Variants in SIL1 observed in about 807,000 individuals in gnomAD.
The protein encoded by SIL1 is SIL1 nucleotide exchange factor, also known as nucleotide exchange factor SIL1.
Under a neutral mutation model 49.1 loss-of-function variants are expected in SIL1, and 40 were observed. The observed-to-expected ratio is 0.81, with a 90% CI of 0.63 to 1.06. SIL1 has a LOEUF of 1.06. Among genes scored for constraint, SIL1 ranks in the 50% least tolerant of loss-of-function variants. The pLI, the probability that SIL1 is intolerant of heterozygous loss-of-function variation, is 0.00. For missense variants in SIL1, 500 were observed against 572.6 expected, an observed-to-expected ratio of 0.87 and a Z score of 1.29; for synonymous variants, 253 against 250.8, an observed-to-expected ratio of 1.01 and a Z score of -0.08.
chr5:139,158,223 A>G (rs1751441655), intron 1 of SIL1, among the ~76,000 whole-genome samples: 1 of 152,214 alleles, frequency 6.6e-6, no homozygotes, highest in African/African-American at 2.4e-5. Flanking sequence ...CTTAACTACA[A>G]TATCAAACTG....
rs147021068 is a variant in SIL1 at position 139,068,001 on chromosome 5, T to C, written c.245-16955A>G. On this transcript the variant is annotated intron_variant, in intron 3 of 9. Coordinates refer to ENST00000394817, the MANE Select transcript of SIL1 (RefSeq NM_022464.5). Reference sequence around the variant, plus strand: ...TACAGCATATCCCTTCAATGGAATATATTAGTCTTCAACAAAAAAGAGGGA... The same window carrying C: ...TACAGCATATCCCTTCAATGGAATACATTAGTCTTCAACAAAAAAGAGGGA... Among the ~76,000 whole-genome samples, 357 of 152,376 alleles carry C rather than the reference T, an allele frequency of 2.3e-3. 2 individuals carry two copies. The highest frequency in any genetic ancestry group is 8.0e-3 in the African/African-American group (333 of 41,588).
chr5:139,154,196 T>A (rs1036548343), intron 1 of SIL1, among the ~76,000 whole-genome samples: 3 of 152,042 alleles, frequency 2.0e-5, no homozygotes, highest in Admixed American at 1.3e-4. Flanking sequence ...AGTCTCTGTC[T>A]ATAATGAAGA....
intron 3 of SIL1, among the ~76,000 whole-genome samples, chr5:139,077,975 A>G (rs927912259): frequency 6.6e-6 from 1 of 152,208 alleles, no homozygotes; most frequent in East Asian, 1.9e-4. Context: ...GCACAGAGCA[A>G]GAAGGCACCC....
chr5:138,997,303 T>C (rs961698972), intron 7 of SIL1, among the ~76,000 whole-genome samples: 4 of 152,228 alleles, frequency 2.6e-5, no homozygotes, highest in African/African-American at 9.7e-5. Context: ...GATTTGATTT[T>C]TTTGTATATA....
intron 9 of SIL1, among the ~76,000 whole-genome samples, chr5:138,950,541 C>T (rs1046559327): frequency 2.0e-5 from 3 of 152,146 alleles, no homozygotes; most frequent in South Asian, 2.1e-4. Context: ...TTCTGGGGAG[C>T]GTGTGGCCCG....
intron 1 of SIL1, chr5:139,137,226 A>G (rs540883859): frequency 4.6e-6 from 3 of 651,760 alleles, no homozygotes; most frequent in East Asian, 2.8e-5. Flanking sequence ...TGTTGCAAGC[A>G]AAGTATTAGT....
chr5:139,078,029 G>C (rs1769991480), intron 3 of SIL1, among the ~76,000 whole-genome samples: 1 of 152,148 alleles, frequency 6.6e-6, no homozygotes, highest in South Asian at 2.1e-4. Flanking sequence ...TTTGGGTCCT[G>C]AGCCACTTGT....
chr5:139,025,520 G>A (rs970353217), intron 6 of SIL1, among the ~76,000 whole-genome samples: 2 of 152,268 alleles, frequency 1.3e-5, no homozygotes. Context: ...ACAAATATTA[G>A]TTATTATAAG....
At chr5:138,954,308 T>G (rs1291391696) in intron 7 of SIL1, among the ~76,000 whole-genome samples, 1 of 152,280 alleles carries the variant, frequency 6.6e-6, no homozygotes, top group Non-Finnish European at 1.5e-5. Context: ...CACAGCCAAG[T>G]CTGTGGGTAC....
intron 4 of SIL1, among the ~76,000 whole-genome samples, chr5:139,046,463 C>A (rs1416449090): frequency 6.6e-6 from 1 of 152,208 alleles, no homozygotes; most frequent in Non-Finnish European, 1.5e-5. Context: ...GATTTCCTTC[C>A]TTCTCTCTTC....
intron 1 of SIL1, among the ~76,000 whole-genome samples, chr5:139,145,246 GTCA>G (rs1272917649): frequency 6.6e-6 from 1 of 152,142 alleles, no homozygotes; most frequent in Admixed American, 6.5e-5. Context: ...AGTATCATTA[GTCA>G]TCATTAGAGA....
At chr5:139,173,790 C>CAAAAAAAAAAAAAAAAA (rs70982756) in intron 1 of SIL1, among the ~76,000 whole-genome samples, 1 of 106,372 alleles carries the variant, frequency 9.4e-6, no homozygotes, top group African/African-American at 3.4e-5. Flanking sequence ...ACTAAAAATA[C>CAAAAAAAAAAAAAAAAA]AAAAAAAAAA....
intron 3 of SIL1, among the ~76,000 whole-genome samples, chr5:139,113,330 TA>T (rs985835068): frequency 6.0e-4 from 67 of 112,166 alleles, no homozygotes; most frequent in East Asian, 5.4e-3. Flanking sequence ...TAAATAAATT[TA>T]AAAAAAAAAG....
Position 139,126,194 on chromosome 5 carries a change from T to G in SIL1, c.105+1545A>C, listed in dbSNP as rs537336002. Among the ~76,000 whole-genome samples, 3 of 152,318 alleles carry G rather than the reference T, an allele frequency of 2.0e-5. No homozygotes were observed. In the South Asian group the frequency reaches 6.2e-4, roughly 32 times the overall value. On this transcript the variant is annotated intron_variant, in intron 2 of 9. Transcript: ENST00000394817. The stretch of plus-strand genomic sequence containing the variant: ...CTTGTGCTTAGCACATGATGAAAGA[T>G]TATGACAAATGGATACAGCTTAGGA...
intron 1 of SIL1, among the ~76,000 whole-genome samples, chr5:139,166,133 G>A (rs1751619350): frequency 6.6e-6 from 1 of 152,148 alleles, no homozygotes; most frequent in Non-Finnish European, 1.5e-5. Context: ...ATATTTTACA[G>A]AGTCTAACTC....
At chr5:139,117,290 G>T (rs1581112967) in intron 3 of SIL1, among the ~76,000 whole-genome samples, 1 of 152,202 alleles carries the variant, frequency 6.6e-6, no homozygotes, top group Non-Finnish European at 1.5e-5. Context: ...GACAAATCTA[G>T]GTTTGAGTCC....
intron 1 of SIL1, among the ~76,000 whole-genome samples, chr5:139,195,886 G>C: frequency 6.6e-6 from 1 of 152,158 alleles, no homozygotes; most frequent in East Asian, 1.9e-4. Context: ...CATGCCATTC[G>C]GGGTTAAATA....
chr5:139,112,363 C>T (rs1360629532), intron 3 of SIL1, among the ~76,000 whole-genome samples: 6 of 150,372 alleles, frequency 4.0e-5, no homozygotes, highest in African/African-American at 1.5e-4. Flanking sequence ...AAGTGAGGAG[C>T]GCCTCTTCCC....
chr5:139,056,940 G>A (rs1203546926), intron 3 of SIL1, among the ~76,000 whole-genome samples: 1 of 151,886 alleles, frequency 6.6e-6, no homozygotes, highest in Non-Finnish European at 1.5e-5. Context: ...GAAAGAAGTA[G>A]ACATGGGAGA....
Sources: gnomAD v4.1 joint callset for allele counts (sites outside exome capture counted in the v4.1 genomes callset) on GRCh38, gnomAD v4.1.1 for gene constraint, MANE v1.5 for transcripts, NCBI Gene and HGNC (gene_info 2026-07-23, HGNC 2026-07-21) for gene names.